Variants in SEPTIN7 observed in about 807,000 individuals in gnomAD.
SEPTIN7 encodes septin-7.
Under a neutral mutation model 63.3 loss-of-function variants are expected in SEPTIN7, and 10 were observed. The observed-to-expected ratio is 0.16, with a 90% CI of 0.10 to 0.27. The LOEUF is 0.27. Ranked by LOEUF, SEPTIN7 falls within the 10% of genes least tolerant of loss-of-function variation. The probability of loss-of-function intolerance (pLI) is 1.00; values close to 1 mark genes in which losing one functional copy is unlikely to be tolerated. For synonymous variants in SEPTIN7, 131 were observed against 165.3 expected (o/e 0.79, Z 1.59); for missense variants, 310 against 521.0 (o/e 0.59, Z 3.94).
At position 35,830,733 on chromosome 7, in the gene SEPTIN7, G is replaced by T. The variant is rs570294554; in HGVS notation, c.62-759G>T. Among the ~76,000 whole-genome samples the T allele has an allele frequency of 3.3e-5, 5 of 152,314 alleles. No individual in the cohort carries two copies. The South Asian group carries it at 1.0e-3, about 32-fold the overall frequency. On this transcript the variant is annotated intron_variant, in intron 1 of 13. Transcript: ENST00000350320. ...GGGTTGTGATATAACTCATAGATTTGTATCAGTATAAAAATGCACACTTTT... is the reference window on the plus strand; with the variant it reads ...GGGTTGTGATATAACTCATAGATTTTTATCAGTATAAAAATGCACACTTTT...
chr7:35,907,958 A>G (rs1402906129), downstream of SEPTIN7, among the ~76,000 whole-genome samples: 2 of 152,218 alleles, frequency 1.3e-5, no homozygotes, highest in East Asian at 3.8e-4. Flanking sequence ...ATGACAGACC[A>G]AAAAGTATTT....
At chr7:35,869,400 A>C (rs1786010306) in intron 4 of SEPTIN7, among the ~76,000 whole-genome samples, 1 of 152,188 alleles carries the variant, frequency 6.6e-6, no homozygotes, top group South Asian at 2.1e-4. Flanking sequence ...TGAGCCAGTA[A>C]ATAAGCAAAA....
intron 1 of SEPTIN7, among the ~76,000 whole-genome samples, chr7:35,823,358 C>T (rs542715527): frequency 3.3e-5 from 5 of 152,094 alleles, no homozygotes; most frequent in Non-Finnish European, 5.9e-5. Flanking sequence ...TGCATCACCA[C>T]GCCTGGCTAA....
intron 1 of SEPTIN7, among the ~76,000 whole-genome samples, chr7:35,813,577 GT>G (rs1162793241): frequency 6.6e-6 from 1 of 152,154 alleles, no homozygotes; most frequent in African/African-American, 2.4e-5. Context: ...GTTTTGCCAT[GT>G]TGACCAAGCT....
chr7:35,884,541 G>A (rs1040380143), intron 9 of SEPTIN7, among the ~76,000 whole-genome samples: 7 of 152,072 alleles, frequency 4.6e-5, no homozygotes, highest in African/African-American at 1.4e-4. Flanking sequence ...TTTACCTGGG[G>A]CCCAAAGTTT....
intron 1 of SEPTIN7, chr7:35,812,077 A>G (rs1450659438): frequency 8.0e-6 from 2 of 249,828 alleles, no homozygotes; most frequent in South Asian, 3.4e-5. Flanking sequence ...CCGTGAGCCA[A>G]GATCAAGCCT....
At chr7:35,888,577 T>C (rs1175105931) in intron 10 of SEPTIN7, among the ~76,000 whole-genome samples, 4 of 152,230 alleles carry the variant, frequency 2.6e-5, no homozygotes, top group Admixed American at 2.6e-4. Context: ...CCCAGCATTT[T>C]GGCAGGCGAA....
chr7:35,801,278 TCAGCTTCGGGTGC>T lies in SEPTIN7; in HGVS notation c.61+10_61+22del, dbSNP rs1402942645. The T allele has an allele frequency of 1.5e-6, 2 of 1,373,938 alleles. No homozygotes were observed. Among genetic ancestry groups the T allele is most frequent in the Admixed American group, 6.3e-5 (2 of 31,962 alleles). 85.1% of individuals were successfully genotyped at this position (1,373,938 alleles called of 1,614,324 possible). A position where few individuals can be genotyped will look rare whatever the true frequency, so the allele number is the denominator to read the frequency against. ...TCAACAGCAGCACCATGGGTGAGTC[TCAGCTTCGGGTGC>T]CGCGACTTGGGGTCAGCGGCTCCGA... On this transcript the variant is annotated intron_variant, in intron 1 of 13. Transcript: ENST00000350320.
Position 35,832,891 on chromosome 7 carries a change from A to T in SEPTIN7, c.160A>T (p.Met54Leu). The T allele has an allele frequency of 6.3e-7, 1 of 1,576,542 alleles. No individual in the cohort carries two copies. ...SVKRGFEFTLMVVGESGLGKS... is the reference protein window; with the variant it reads ...SVKRGFEFTLLVVGESGLGKS... ...GAAGAGAGGTTTTGAATTCACGCTT[A>T]TGGTAGTGGGTAAGATATGATTTCT... The change falls in exon 3 of 14, where the codon ATG (methionine) becomes TTG (leucine). Residue 54 changes from methionine to leucine, a missense_variant. Physicochemically the swap from Met to Leu is conservative, Grantham distance 15. Around this residue, in one of 2 missense-constraint regions of SEPTIN7, gnomAD observed 255 missense variants for 490.5 expected, o/e 0.52. Transcript: ENST00000350320.
intron 1 of SEPTIN7, among the ~76,000 whole-genome samples, chr7:35,816,011 G>A (rs1789034932): frequency 6.6e-6 from 1 of 152,014 alleles, no homozygotes; most frequent in South Asian, 2.1e-4. Context: ...GAAGATATGT[G>A]TGAGAAAGGA....
intron 11 of SEPTIN7, among the ~76,000 whole-genome samples, chr7:35,895,747 G>C (rs1169365749): frequency 6.6e-6 from 1 of 151,950 alleles, no homozygotes; most frequent in African/African-American, 2.4e-5. Context: ...TTTTCCTTTA[G>C]GTATGATACA....
At chr7:35,893,360 G>A (rs768878142) in intron 11 of SEPTIN7, among the ~76,000 whole-genome samples, 2 of 152,130 alleles carry the variant, frequency 1.3e-5, no homozygotes, top group Non-Finnish European at 2.9e-5. Flanking sequence ...GTTTCACAAA[G>A]TGCTAATCAC....
At chr7:35,801,497 C>A (rs1201998951) in intron 1 of SEPTIN7, among the ~76,000 whole-genome samples, 1 of 151,178 alleles carries the variant, frequency 6.6e-6, no homozygotes, top group African/African-American at 2.4e-5. Context: ...AGAGCCGAGG[C>A]GGCGGCATTT....
chr7:35,845,411 A>G (rs540106876), intron 3 of SEPTIN7, among the ~76,000 whole-genome samples: 1 of 152,324 alleles, frequency 6.6e-6, no homozygotes, highest in East Asian at 1.9e-4. Flanking sequence ...TATTTGATTA[A>G]TCCTTACTTT....
At chr7:35,838,709 GTCT>G (rs926675910) in intron 3 of SEPTIN7, 2 of 151,772 alleles carry the variant, frequency 1.3e-5, no homozygotes, top group South Asian at 2.1e-4. Context: ...TTTACTTAAT[GTCT>G]TCTTGCTTGA....
chr7:35,856,989 C>A (rs1245907913), intron 3 of SEPTIN7, among the ~76,000 whole-genome samples: 1 of 152,014 alleles, frequency 6.6e-6, no homozygotes, highest in East Asian at 1.9e-4. Flanking sequence ...TTCCTCCTTC[C>A]TTGATTCTAA....
At chr7:35,854,985 T>C (rs1785132511) in intron 3 of SEPTIN7, among the ~76,000 whole-genome samples, 1 of 152,126 alleles carries the variant, frequency 6.6e-6, no homozygotes, top group African/African-American at 2.4e-5. Context: ...TTTTAAAAAC[T>C]AAATTCTAAA....
At chr7:35,810,311 G>A (rs573299416) in intron 1 of SEPTIN7, among the ~76,000 whole-genome samples, 6 of 151,064 alleles carry the variant, frequency 4.0e-5, no homozygotes, top group Admixed American at 2.0e-4. Context: ...TTCTGGGGTA[G>A]TACTAAAATG....
chr7:35,895,428 T>A (rs1373523304), intron 11 of SEPTIN7, among the ~76,000 whole-genome samples: 2 of 152,200 alleles, frequency 1.3e-5, no homozygotes, highest in Non-Finnish European at 2.9e-5. Flanking sequence ...TTGGTCAGAT[T>A]ATTTTTACAA....
Sources: allele counts gnomAD v4.1 joint callset (sites outside exome capture counted in the v4.1 genomes callset), GRCh38; gene constraint gnomAD v4.1.1; regional missense constraint gnomAD v4.1.1; transcripts MANE v1.5; gene names NCBI Gene and HGNC (gene_info 2026-07-23, HGNC 2026-07-21).